Variants in PTPRG observed in about 807,000 individuals in gnomAD.
PTPRG encodes the protein protein tyrosine phosphatase receptor type G, also known as receptor-type tyrosine-protein phosphatase gamma.
Under a neutral mutation model 165.3 loss-of-function variants are expected in PTPRG, and 102 were observed. The observed-to-expected ratio is 0.62, with a 90% CI of 0.53 to 0.73. The LOEUF (loss-of-function observed/expected upper bound fraction) is 0.73, where lower values mean the gene tolerates loss of function less well. Among genes scored for constraint, PTPRG ranks in the 30% least tolerant of loss-of-function variants. The pLI is 0.00. For synonymous variants in PTPRG, 675 were observed against 669.5 expected (o/e 1.01, Z -0.13); for missense variants, 1,866 against 1,861.4 (o/e 1.00, Z -0.05).
chr3:61,666,752 T>C (rs1176119800), intron 1 of PTPRG, among the ~76,000 whole-genome samples: 2 of 152,210 alleles, frequency 1.3e-5, no homozygotes, highest in Non-Finnish European at 2.9e-5. Flanking sequence ...GTAGGGTGTT[T>C]AGTAACATCT....
chr3:62,095,691 G>C (rs955626325), intron 5 of PTPRG, among the ~76,000 whole-genome samples: 2 of 152,122 alleles, frequency 1.3e-5, no homozygotes, highest in Non-Finnish European at 2.9e-5. Flanking sequence ...ACATGTGTGA[G>C]GTCTAGTGAG....
rs981835739 is a variant in PTPRG, at chr3:62,207,028, T to TA, written c.2155+3086dup. ...AGTGAGAAGGTCCACTTCTGAAAGC[T>TA]AAAAAAAACTTCCTTGAAAATTTCA... is the stretch of plus-strand genomic sequence containing the variant. On this transcript the variant is annotated intron_variant, in intron 12 of 29. Transcript: ENST00000474889. Among the ~76,000 whole-genome samples the TA allele has an allele frequency of 1.2e-4, 18 of 150,258 alleles. 1 individual carries two copies. In the East Asian group the frequency reaches 1.4e-3, roughly 12 times the overall value.
At chr3:62,005,340 A>G (rs946464283) in intron 4 of PTPRG, among the ~76,000 whole-genome samples, 2 of 152,298 alleles carry the variant, frequency 1.3e-5, no homozygotes, top group South Asian at 4.1e-4. Flanking sequence ...CTTTATTCCT[A>G]GAAGCAAAAT....
chr3:62,078,088 T>G, intron 4 of PTPRG, 75 bp from the exon 5 acceptor site: 1 of 986,732 alleles, frequency 1.0e-6, no homozygotes, highest in Non-Finnish European at 1.5e-6. Context: ...GAATATACAT[T>G]TATGGTACTA....
At chr3:61,604,290 C>G (rs947728405) in intron 1 of PTPRG, among the ~76,000 whole-genome samples, 3 of 152,188 alleles carry the variant, frequency 2.0e-5, no homozygotes, top group Non-Finnish European at 4.4e-5. Context: ...CACCACTGCA[C>G]TCCAACCTAG....
chr3:61,909,672 C>CTCCCAAA (rs2038752332), intron 2 of PTPRG, among the ~76,000 whole-genome samples: 1 of 150,054 alleles, frequency 6.7e-6, no homozygotes, highest in African/African-American at 2.5e-5. Flanking sequence ...AGTTATGAGC[C>CTCCCAAA]ATGGCATCTG....
chr3:61,647,644 T>C (rs914172422), intron 1 of PTPRG, among the ~76,000 whole-genome samples: 2 of 151,896 alleles, frequency 1.3e-5, no homozygotes, highest in African/African-American at 4.8e-5. Flanking sequence ...ACAAAAAAAT[T>C]AGCCGGGCGT....
At chr3:61,863,421 A>C (rs2037326164) in intron 2 of PTPRG, among the ~76,000 whole-genome samples, 1 of 152,180 alleles carries the variant, frequency 6.6e-6, no homozygotes, top group South Asian at 2.1e-4. Context: ...GGGAAAAAAA[A>C]CTAGTGGAAA....
intron 4 of PTPRG, among the ~76,000 whole-genome samples, chr3:62,042,374 G>C (rs1391964012): frequency 2.0e-5 from 3 of 152,200 alleles, no homozygotes; most frequent in African/African-American, 7.2e-5. Context: ...ATATTTTAAA[G>C]ACCAGATATT....
intron 1 of PTPRG, among the ~76,000 whole-genome samples, chr3:61,693,027 G>A (rs1445680947): frequency 6.6e-6 from 1 of 152,034 alleles, no homozygotes; most frequent in Non-Finnish European, 1.5e-5. Flanking sequence ...GATAAGATAT[G>A]AAACTAAGAA....
intron 2 of PTPRG, among the ~76,000 whole-genome samples, chr3:61,975,034 G>C (rs1229217392): frequency 6.6e-6 from 1 of 151,328 alleles, no homozygotes; most frequent in Non-Finnish European, 1.5e-5. Context: ...CTACTTGCTT[G>C]ATGGTGTGAT....
chr3:62,128,758 G>A (rs778338389), intron 5 of PTPRG, among the ~76,000 whole-genome samples: 2 of 149,246 alleles, frequency 1.3e-5, no homozygotes, highest in African/African-American at 5.0e-5. Context: ...GTAAACACAG[G>A]TTGCTAATAC....
intron 2 of PTPRG, among the ~76,000 whole-genome samples, chr3:61,945,553 C>G: frequency 1.1e-5 from 1 of 93,894 alleles, no homozygotes; most frequent in African/African-American, 4.8e-5. Flanking sequence ...GAATGAAACT[C>G]CGTCACCAAA....
intron 1 of PTPRG, among the ~76,000 whole-genome samples, chr3:61,725,710 C>CT (rs10581346): frequency 0.03 from 4,118 of 137,222 alleles, 76 homozygotes; most frequent in Non-Finnish European, 0.041. Flanking sequence ...CTACCCCCAC[C>CT]TTTTTTTTTT....
Position 61,748,901 on chromosome 3 carries a change from G to A in PTPRG, c.109G>A (p.Ala37Thr), listed in dbSNP as rs1274346788. 1.2e-6 allele frequency: 2 copies of A among 1,613,384 alleles called. No homozygotes were observed. The highest frequency in any genetic ancestry group is 1.7e-6 in the Non-Finnish European group (2 of 1,179,940). The change falls in exon 2 of 30, where the codon GCC (alanine) becomes ACC (threonine). Residue 37 changes from alanine to threonine, a missense_variant. Physicochemically the swap from Ala to Thr is moderately conservative, Grantham distance 58. Transcript: ENST00000474889. The stretch of plus-strand genomic sequence containing the variant: ...AGCGTTGACAGAAGGCTACGTTGGG[G>A]CCCTGCACGAGAATAGACACGGCAG... The part of the protein sequence containing the change: ...FPALTEGYVG[A>T]LHENRHGSAV...
At chr3:62,124,117 G>C in intron 5 of PTPRG, 1 of 560,898 alleles carries the variant, frequency 1.8e-6, no homozygotes, top group East Asian at 2.8e-5. Context: ...CTTGTGAAAT[G>C]GTTGAAAAAT....
intron 15 of PTPRG, 47 bp downstream of exon 15, chr3:62,243,945 C>CCCT (rs1559699047): frequency 8.6e-7 from 1 of 1,164,824 alleles, no homozygotes; most frequent in Non-Finnish European, 1.3e-6. Flanking sequence ...TTGTTTTTCT[C>CCCT]TTTTATTCTC....
At chr3:62,049,161 T>C (rs970874140) in intron 4 of PTPRG, among the ~76,000 whole-genome samples, 2 of 151,674 alleles carry the variant, frequency 1.3e-5, no homozygotes, top group African/African-American at 4.8e-5. Flanking sequence ...TATCTCATCG[T>C]CCCTCTTTTG....
intron 2 of PTPRG, among the ~76,000 whole-genome samples, chr3:61,932,429 A>G (rs2039384542): frequency 6.6e-6 from 1 of 152,234 alleles, no homozygotes; most frequent in Non-Finnish European, 1.5e-5. Flanking sequence ...GTAGGAGACT[A>G]TGAATACTTA....
Sources: allele counts gnomAD v4.1 joint callset (sites outside exome capture counted in the v4.1 genomes callset), GRCh38; gene constraint gnomAD v4.1.1; transcripts MANE v1.5; gene names NCBI Gene and HGNC (gene_info 2026-07-23, HGNC 2026-07-21).